The following SLC38A1 variants were observed in gnomAD, a reference collection of about 807,000 sequenced individuals.
The protein encoded by SLC38A1 is solute carrier family 38 member 1.
SLC38A1 carries 18 observed loss-of-function variants against 60.3 expected under a neutral mutation model. That is an observed-to-expected ratio of 0.30 (90% CI 0.21 to 0.44). The LOEUF (loss-of-function observed/expected upper bound fraction) is 0.44. Ranked by LOEUF, SLC38A1 falls within the 20% of genes least tolerant of loss-of-function variation. The pLI is 1.00. For missense variants in SLC38A1, 448 were observed against 587.2 expected (o/e 0.76, Z 2.45); for synonymous variants, 196 against 212.1 (o/e 0.92, Z 0.66).
At chr12:46,231,015 C>G (rs74724504) in intron 3 of SLC38A1, among the ~76,000 whole-genome samples, 2,390 of 152,230 alleles carry the variant, frequency 0.016, 63 homozygotes, top group African/African-American at 0.053. Context: ...TATCACAGCA[C>G]TATTCACCAT....
intron 16 of SLC38A1, among the ~76,000 whole-genome samples, chr12:46,189,359 C>T (rs1257158734): frequency 6.6e-6 from 1 of 151,908 alleles, no homozygotes; most frequent in Non-Finnish European, 1.5e-5. Flanking sequence ...CTACAAATAA[C>T]TGGGTATCCT....
chr12:46,221,608 A>T (rs1940661197), intron 5 of SLC38A1, among the ~76,000 whole-genome samples: 1 of 152,164 alleles, frequency 6.6e-6, no homozygotes, highest in East Asian at 1.9e-4. Context: ...GCAAAATCTA[A>T]TTCTTACATA....
In SLC38A1 at chr12:46,268,608, T is replaced by C. The variant is rs1942441383; in HGVS notation, c.-291A>G. On this transcript the variant is annotated 5_prime_UTR_variant, in exon 1 of 17. Coordinates refer to ENST00000398637, the MANE Select transcript of SLC38A1 (RefSeq NM_030674.4). This position sits in a 1 kb window ranked among gnomAD's most constrained non-coding sequence, Gnocchi z 4.4. Reference sequence around the variant, plus strand: ...GGTTTTTACCCTCGGCAGTTTGATGTCCTTTGTGTCAAGGTCTGGCTGCGG... The same window carrying C: ...GGTTTTTACCCTCGGCAGTTTGATGCCCTTTGTGTCAAGGTCTGGCTGCGG... 1.0e-5 allele frequency: 2 copies of C among 192,340 alleles called. No individual in the cohort carries two copies. Among genetic ancestry groups the C allele is most frequent in the Non-Finnish European group, 1.2e-5 (1 of 86,448 alleles). The allele number at this position is 192,340 out of a possible 1,614,324, so 11.9% of individuals were successfully genotyped here.
chr12:46,229,076 C>T (rs1433005871), intron 5 of SLC38A1, 77 bp downstream of exon 5: 1 of 760,804 alleles, frequency 1.3e-6, no homozygotes, highest in East Asian at 2.8e-5. Context: ...AAATATTTCA[C>T]ATTTCTTCTA....
intron 3 of SLC38A1, among the ~76,000 whole-genome samples, chr12:46,238,617 C>T (rs1479205714): frequency 6.6e-6 from 1 of 152,222 alleles, no homozygotes; most frequent in Non-Finnish European, 1.5e-5. Context: ...AGGCTTCCTG[C>T]TAAGCCACCT....
intron 4 of SLC38A1, 77 bp downstream of exon 4, chr12:46,229,487 T>C: frequency 1.8e-6 from 2 of 1,137,702 alleles, no homozygotes; most frequent in Admixed American, 1.7e-5. Context: ...TTTGGTACTA[T>C]GCTACTTGAA....
At chr12:46,229,366 G>T in intron 4 of SLC38A1, 98 bp from the exon 5 acceptor site, 1 of 881,520 alleles carries the variant, frequency 1.1e-6, no homozygotes, top group Non-Finnish European at 1.8e-6. Context: ...CAATATGGAA[G>T]TAAAATTCAA....
At chr12:46,262,340 A>G (rs1297000606) in intron 1 of SLC38A1, among the ~76,000 whole-genome samples, 1 of 152,210 alleles carries the variant, frequency 6.6e-6, no homozygotes, top group South Asian at 2.1e-4. Flanking sequence ...AAGTCAACCT[A>G]TAACTGGATA....
intron 3 of SLC38A1, among the ~76,000 whole-genome samples, chr12:46,230,942 A>G (rs2137976839): frequency 1.3e-5 from 2 of 152,316 alleles, no homozygotes; most frequent in South Asian, 4.1e-4. Flanking sequence ...CAATCCCACT[A>G]CTGGGTATCT....
intron 5 of SLC38A1, among the ~76,000 whole-genome samples, chr12:46,213,875 A>G (rs1161328699): frequency 2.0e-5 from 3 of 152,262 alleles, no homozygotes; most frequent in African/African-American, 2.4e-5. Context: ...AAACACACAC[A>G]TAACAGAGTC....
At chr12:46,266,304 A>G (rs190111139) in intron 1 of SLC38A1, among the ~76,000 whole-genome samples, 5 of 152,320 alleles carry the variant, frequency 3.3e-5, no homozygotes, top group Admixed American at 3.3e-4. Flanking sequence ...TGCTCCTTTC[A>G]TTAAATGGCC....
chr12:46,265,576 G>A (rs1428053842), intron 1 of SLC38A1, among the ~76,000 whole-genome samples: 3 of 152,222 alleles, frequency 2.0e-5, no homozygotes, highest in East Asian at 3.8e-4. Flanking sequence ...GGAAAGAGAT[G>A]AGAAGGCAGA....
At chr12:46,209,164 G>A in intron 5 of SLC38A1, 37 bp from the exon 6 acceptor site, 14 of 1,371,344 alleles carry the variant, frequency 1.0e-5, no homozygotes, top group Non-Finnish European at 1.4e-5. Context: ...GTAATATCTA[G>A]AAAAGAATAT....
At chr12:46,267,133 C>G (rs534903330) in intron 1 of SLC38A1, 7 of 152,338 alleles carry the variant, frequency 4.6e-5, no homozygotes, top group African/African-American at 1.2e-4. Flanking sequence ...ATTCTGCAAA[C>G]CATAAATTTA....
At chr12:46,189,216 A>T in intron 16 of SLC38A1, 145 bp from the exon 17 acceptor site, 1 of 591,814 alleles carries the variant, frequency 1.7e-6, no homozygotes. Context: ...GAACTGTGAG[A>T]ATCTTTCTAA....
intron 16 of SLC38A1, chr12:46,195,908 T>C (rs1020230899): frequency 5.0e-6 from 2 of 396,542 alleles, no homozygotes; most frequent in Non-Finnish European, 9.6e-6. Flanking sequence ...TTGTGCTTCC[T>C]GGGTGAGGTG....
intron 11 of SLC38A1, 99 bp downstream of exon 11, chr12:46,204,202 G>C: frequency 1.3e-6 from 1 of 773,758 alleles, no homozygotes; most frequent in East Asian, 2.5e-5. Context: ...GTGTTCTTTT[G>C]AGAACTAATA....
Position 46,239,810 on chromosome 12 carries a change from G to A in SLC38A1, c.-10C>T, listed in dbSNP as rs1375179244. The stretch of plus-strand genomic sequence containing the variant: ...TTTTGAAATGCATCATGATTAGAAA[G>A]TGTCTGTAGTTTGAAAATTAGTCCA... On this transcript the variant is annotated 5_prime_UTR_variant, in exon 3 of 17. Coordinates refer to ENST00000398637, the MANE Select transcript of SLC38A1 (RefSeq NM_030674.4). 6.2e-7 allele frequency: 1 copy of A among 1,611,898 alleles called. No individual in the cohort carries two copies. Among genetic ancestry groups the A allele is most frequent in the Admixed American group, 1.7e-5 (1 of 59,984 alleles).
chr12:46,266,726 T>G (rs1381141555), intron 1 of SLC38A1, among the ~76,000 whole-genome samples: 3 of 152,186 alleles, frequency 2.0e-5, no homozygotes, highest in Non-Finnish European at 4.4e-5. Context: ...TGTTAGTTGC[T>G]GCCAGTCGCA....
Sources: allele counts gnomAD v4.1 joint callset (sites outside exome capture counted in the v4.1 genomes callset), GRCh38; gene constraint gnomAD v4.1.1; non-coding constraint Gnocchi (gnomAD v3.1); transcripts MANE v1.5; gene names NCBI Gene and HGNC (gene_info 2026-07-23, HGNC 2026-07-21).